MYO6: variants seen among roughly 807,000 people sequenced by gnomAD.
The protein encoded by MYO6 is unconventional myosin-VI.
Under a neutral mutation model 178.7 loss-of-function variants are expected in MYO6, and 74 were observed. The ratio of observed to expected loss-of-function variants is 0.41; its 90% confidence interval spans 0.34 to 0.50. The LOEUF (loss-of-function observed/expected upper bound fraction) is 0.50, where lower values mean the gene tolerates loss of function less well. Ranked by LOEUF, MYO6 falls within the 20% of genes least tolerant of loss-of-function variation. The pLI is 0.09. For synonymous variants in MYO6, 477 were observed against 504.6 expected, an observed-to-expected ratio of 0.95 and a Z score of 0.73; for missense variants, 1,330 against 1,547.4, an observed-to-expected ratio of 0.86 and a Z score of 2.36.
At position 75,768,444 on chromosome 6, in the gene MYO6, G is replaced by T. The variant is rs1379742835; in HGVS notation, c.-48+19021G>T. ...CACCCAGGCTGGAGTGCAGTGGTGT[G>T]ATCTCGGCTCACTGCAACCTCCGCT... On this transcript the variant is annotated intron_variant, in intron 1 of 34. Coordinates refer to ENST00000369977, the MANE Select transcript of MYO6 (RefSeq NM_004999.4). 2.0e-5 allele frequency among the ~76,000 whole-genome samples: 3 copies of T among 149,778 alleles called. No homozygotes were observed. The East Asian group carries it at 5.9e-4, about 30-fold the overall frequency.
In MYO6 at chr6:75,892,603, G is replaced by A. The variant is rs532970427; in HGVS notation, c.3020G>A (p.Arg1007His). Reference sequence around the variant, plus strand: ...CAGCAAGCAGTTCTGGAGCAGGAGCGCAGGGACCGGGAGCTGGCCCTGAGG... The same window carrying A: ...CAGCAAGCAGTTCTGGAGCAGGAGCACAGGGACCGGGAGCTGGCCCTGAGG... ...SQQQAVLEQE[R>H]RDRELALRIA... Residue 1007 changes from arginine to histidine, a missense_variant, in exon 28 of 35, where the codon CGC becomes CAC. Transcript: ENST00000369977. 15 of 1,613,582 alleles carry A rather than the reference G, an allele frequency of 9.3e-6. No individual in the cohort carries two copies. Among genetic ancestry groups the A allele is most frequent in the East Asian group, 2.2e-5 (1 of 44,884 alleles).
At chr6:75,848,557 A>C (rs1267627758) in intron 11 of MYO6, 26 bp downstream of exon 11, 1 of 1,597,872 alleles carries the variant, frequency 6.3e-7, no homozygotes, top group African/African-American at 1.3e-5. Context: ...TTTTAAGAGG[A>C]AAAAAATTAA....
At chr6:75,820,518 C>G (rs1412258699) in intron 2 of MYO6, among the ~76,000 whole-genome samples, 1 of 151,938 alleles carries the variant, frequency 6.6e-6, no homozygotes, top group Non-Finnish European at 1.5e-5. Flanking sequence ...TACAGGTGCC[C>G]ACCACCATGT....
At position 75,857,083 on chromosome 6, in the gene MYO6, G is replaced by C. The variant is rs1291858524; in HGVS notation, c.1224-14G>C. The stretch of plus-strand genomic sequence containing the variant: ...ATTATAAAGAATTTTTACTAGCATA[G>C]TTTTCTTTTATAGGGTACCTCTGAA... On this transcript the variant is annotated splice_polypyrimidine_tract_variant and intron_variant, in intron 12 of 34. Transcript: ENST00000369977. The C allele has an allele frequency of 6.2e-7, 1 of 1,613,476 alleles. No homozygotes were observed. Among genetic ancestry groups the C allele is most frequent in the African/African-American group, 1.3e-5 (1 of 74,898 alleles).
intron 1 of MYO6, among the ~76,000 whole-genome samples, chr6:75,768,952 T>C (rs1400797502): frequency 3.3e-5 from 5 of 152,100 alleles, no homozygotes; most frequent in Non-Finnish European, 1.5e-5. Flanking sequence ...ACTGTCATAG[T>C]GAAAGGCAAA....
Position 75,898,375 on chromosome 6 carries a change from A to G in MYO6, c.3140A>G (p.Glu1047Gly). The G allele has an allele frequency of 6.2e-7, 1 of 1,607,448 alleles. No homozygotes were observed. The highest frequency in any genetic ancestry group is 8.5e-7 in the Non-Finnish European group (1 of 1,174,086). ...NDGTRPKMTP[E>G]QMAKEMSEFL... ...TTGTATTATCGTTTTTCTTGTAGGG[A>G]ACAAATGGCCAAAGAAATGTCAGAA... Residue 1047 changes from glutamate to glycine, a missense_variant and splice_region_variant, in exon 30 of 35, where the codon GAA becomes GGA. Coordinates refer to ENST00000369977, the MANE Select transcript of MYO6 (RefSeq NM_004999.4).
intron 1 of MYO6, among the ~76,000 whole-genome samples, chr6:75,781,917 C>CAA (rs10584481): frequency 4.3e-4 from 19 of 44,660 alleles, no homozygotes; most frequent in East Asian, 1.4e-3. Flanking sequence ...GACTCCATCT[C>CAA]AAAAAAAAAA....
At chr6:75,841,043 A>G (rs1168627380) in intron 8 of MYO6, among the ~76,000 whole-genome samples, 171 bp from the exon 9 acceptor site, 1 of 152,228 alleles carries the variant, frequency 6.6e-6, no homozygotes, top group Admixed American at 6.5e-5. Context: ...TGACCATTAT[A>G]AATACTCTGT....
chr6:75,786,813 G>C (rs536349189), intron 1 of MYO6, among the ~76,000 whole-genome samples: 1 of 152,186 alleles, frequency 6.6e-6, no homozygotes, highest in East Asian at 1.9e-4. Context: ...ACTGTAAGTT[G>C]ACATGCTGTC....
intron 5 of MYO6, 95 bp downstream of exon 5, chr6:75,830,640 T>C: frequency 8.1e-7 from 1 of 1,227,740 alleles, no homozygotes; most frequent in Non-Finnish European, 1.2e-6. Context: ...ATACCATAAA[T>C]TGAATATATA....
At chr6:75,763,502 A>G (rs1273649603) in intron 1 of MYO6, among the ~76,000 whole-genome samples, 1 of 152,236 alleles carries the variant, frequency 6.6e-6, no homozygotes, top group Non-Finnish European at 1.5e-5. Flanking sequence ...TACATATTTG[A>G]TATAAACATG....
chr6:75,764,840 A>T (rs1415904768), intron 1 of MYO6, among the ~76,000 whole-genome samples: 1 of 152,040 alleles, frequency 6.6e-6, no homozygotes, highest in Non-Finnish European at 1.5e-5. Context: ...TCTACTAAAA[A>T]TACAAAAAAT....
intron 1 of MYO6, among the ~76,000 whole-genome samples, chr6:75,783,272 T>C (rs1767174480): frequency 6.6e-6 from 1 of 152,174 alleles, no homozygotes; most frequent in African/African-American, 2.4e-5. Flanking sequence ...TCCTAAAGTT[T>C]TAGTTTTTCT....
At chr6:75,816,476 G>A (rs775027101) in intron 1 of MYO6, among the ~76,000 whole-genome samples, 130 of 152,344 alleles carry the variant, frequency 8.5e-4, no homozygotes, top group Middle Eastern at 3.4e-3. Context: ...CAAAGTGTTG[G>A]CATTCTAGGC....
At position 75,899,426 on chromosome 6, in the gene MYO6, AAAAAT is replaced by A. The variant is rs567537447; in HGVS notation, c.3176+1020_3176+1024del. Among the ~76,000 whole-genome samples the A allele has an allele frequency of 1.9e-3, 287 of 152,302 alleles. 1 individual carries two copies. The highest frequency in any genetic ancestry group is 6.6e-3 in the African/African-American group (276 of 41,574). On this transcript the variant is annotated intron_variant, in intron 30 of 34. Coordinates refer to ENST00000369977, the MANE Select transcript of MYO6 (RefSeq NM_004999.4). ...CTAGAAAAGACTCCCAGAACAGCTT[AAAAAT>A]AAAAGGATTTTTTTTGTTTATTGAT...
intron 1 of MYO6, among the ~76,000 whole-genome samples, chr6:75,812,310 T>A (rs575292424): frequency 3.0e-4 from 46 of 151,756 alleles, no homozygotes; most frequent in African/African-American, 1.0e-3. Flanking sequence ...AAAAATTAAA[T>A]TTTTTTTGTG....
intron 33 of MYO6, 63 bp downstream of exon 33, chr6:75,911,761 AC>A: frequency 6.8e-7 from 1 of 1,474,200 alleles, no homozygotes; most frequent in Non-Finnish European, 9.5e-7. Flanking sequence ...TTTACAAAGT[AC>A]TAACTTCTAT....
chr6:75,755,988 T>C (rs1366100517), intron 1 of MYO6, among the ~76,000 whole-genome samples: 2 of 152,360 alleles, frequency 1.3e-5, no homozygotes, highest in East Asian at 3.9e-4. Context: ...CTGACCTATC[T>C]GTCGAAGACT....
chr6:75,819,458 C>T (rs1428021102), intron 2 of MYO6, among the ~76,000 whole-genome samples: 2 of 152,290 alleles, frequency 1.3e-5, no homozygotes, highest in East Asian at 3.9e-4. Flanking sequence ...TCATGCACAC[C>T]TTTGTGCAGT....
Sources: allele counts gnomAD v4.1 joint callset (sites outside exome capture counted in the v4.1 genomes callset), GRCh38; gene constraint gnomAD v4.1.1; transcripts MANE v1.5; gene names NCBI Gene and HGNC (gene_info 2026-07-23, HGNC 2026-07-21).